The following FBXO8 variants were observed in gnomAD, a reference collection of about 807,000 sequenced individuals.
FBXO8 encodes F-box only protein 8.
In FBXO8, 15 loss-of-function variants were observed where a neutral mutation model predicts 33.4. That is an observed-to-expected ratio of 0.45 (90% CI 0.30 to 0.69). The LOEUF (loss-of-function observed/expected upper bound fraction) is 0.69. Among genes scored for constraint, FBXO8 ranks in the 30% least tolerant of loss-of-function variants. The pLI is 0.08. For missense variants in FBXO8, 274 were observed against 380.3 expected (o/e 0.72, Z 2.32); for synonymous variants, 132 against 131.5 (o/e 1.00, Z -0.02).
intron 1 of FBXO8, among the ~76,000 whole-genome samples, chr4:174,266,779 A>T (rs1736705750): frequency 6.6e-6 from 1 of 152,242 alleles, no homozygotes; most frequent in African/African-American, 2.4e-5. Flanking sequence ...AATAATAATG[A>T]TAAAAATGTC....
rs918209667 is a variant in FBXO8, at chr4:174,253,382, T to C, written c.456+6317A>G. ...CACAGCATAACCACCTCCCCTCCTA[T>C]CCCGTCTTCCTCCCTTTTAAAATTT... On this transcript the variant is annotated intron_variant, in intron 3 of 5. Coordinates refer to ENST00000393674, the MANE Select transcript of FBXO8 (RefSeq NM_012180.3). The surrounding 1 kb of genome is among the most constrained non-coding windows in gnomAD (Gnocchi z 4.5). 2.0e-5 allele frequency among the ~76,000 whole-genome samples: 3 copies of C among 152,130 alleles called. No individual in the cohort carries two copies. Among genetic ancestry groups the C allele is most frequent in the African/African-American group, 7.2e-5 (3 of 41,436 alleles).
Position 174,274,514 on chromosome 4 carries a change from T to A in FBXO8, c.-9+8896A>T, listed in dbSNP as rs893584155. On this transcript the variant is annotated intron_variant, in intron 1 of 5. Transcript: ENST00000393674. The surrounding 1 kb of genome is among the most constrained non-coding windows in gnomAD (Gnocchi z 4.0). Reference sequence around the variant, plus strand: ...GGTCCTGAATTTCATTAATTTGGGATCTGTGAAATTTGGAGAGATGCCATT... The same window carrying A: ...GGTCCTGAATTTCATTAATTTGGGAACTGTGAAATTTGGAGAGATGCCATT... 9.9e-5 allele frequency among the ~76,000 whole-genome samples: 15 copies of A among 152,216 alleles called. No individual in the cohort carries two copies. The highest frequency in any genetic ancestry group is 3.6e-4 in the African/African-American group (15 of 41,436).
At position 174,263,229 on chromosome 4, in the gene FBXO8, C is replaced by T; in HGVS notation, c.-8-129G>A. 2.5e-6 allele frequency: 2 copies of T among 811,310 alleles called. No individual in the cohort carries two copies. Among genetic ancestry groups the T allele is most frequent in the Admixed American group, 2.9e-5 (1 of 34,216 alleles). 50.3% of individuals were successfully genotyped at this position (811,310 alleles called of 1,614,324 possible). ...AACTTCTCATTAAAACCTACTAAAA[C>T]CAGAAGTATATTACTAAGAATAGCT... On this transcript the variant is annotated intron_variant, in intron 1 of 5. Coordinates refer to ENST00000393674, the MANE Select transcript of FBXO8 (RefSeq NM_012180.3). The surrounding 1 kb of genome is among the most constrained non-coding windows in gnomAD (Gnocchi z 4.2).
At position 174,237,333 on chromosome 4, in the gene FBXO8, T is replaced by C. The variant is rs899616797; in HGVS notation, c.*79A>G. 1.1e-5 allele frequency: 13 copies of C among 1,214,122 alleles called. No individual in the cohort carries two copies. The highest frequency in any genetic ancestry group is 1.5e-5 in the Non-Finnish European group (13 of 850,668). 75.2% of individuals were successfully genotyped at this position (1,214,122 alleles called of 1,614,324 possible). ...ATACTCAGGCTACAATGACCAGCAC[T>C]GATGTAACCCCCATATCTGCTAAGT... is the stretch of plus-strand genomic sequence containing the variant. On this transcript the variant is annotated 3_prime_UTR_variant, in exon 6 of 6. Transcript: ENST00000393674. This position sits in a 1 kb window ranked among gnomAD's most constrained non-coding sequence, Gnocchi z 4.4.
In FBXO8 at chr4:174,263,115, G is replaced by A. The variant is rs1347438975; in HGVS notation, c.-8-15C>T. 5 of 1,605,460 alleles carry A rather than the reference G, an allele frequency of 3.1e-6. No individual in the cohort carries two copies. In the African/African-American group the frequency reaches 6.7e-5, roughly 22 times the overall value. On this transcript the variant is annotated splice_polypyrimidine_tract_variant and intron_variant, in intron 1 of 5. Coordinates refer to ENST00000393674, the MANE Select transcript of FBXO8 (RefSeq NM_012180.3). This position sits in a 1 kb window ranked among gnomAD's most constrained non-coding sequence, Gnocchi z 4.2. The stretch of plus-strand genomic sequence containing the variant: ...CATCTGCAAGCCTGGGAAAAAGCCA[G>A]AATGTAATAAGGGTGACATTTAAAA...
At chr4:174,260,365 T>C (rs1374009303) in intron 2 of FBXO8, among the ~76,000 whole-genome samples, 1 of 152,012 alleles carries the variant, frequency 6.6e-6, no homozygotes, top group East Asian at 1.9e-4. Flanking sequence ...ATGTGCTCTA[T>C]TGTGAAATAA....
chr4:174,262,595 A>C lies in FBXO8; in HGVS notation c.329+169T>G, dbSNP rs1215750689. Among the ~76,000 whole-genome samples the C allele has an allele frequency of 6.6e-6, 1 of 152,220 alleles. No homozygotes were observed. The highest frequency in any genetic ancestry group is 1.5e-5 in the Non-Finnish European group (1 of 68,048). On this transcript the variant is annotated intron_variant, in intron 2 of 5. Coordinates refer to ENST00000393674, the MANE Select transcript of FBXO8 (RefSeq NM_012180.3). The surrounding 1 kb of genome is among the most constrained non-coding windows in gnomAD (Gnocchi z 4.6). The stretch of plus-strand genomic sequence containing the variant: ...TATTGTCCTCCTTTTCACAAGATCA[A>C]ATTTGACTGTGATGCTAACTGTATA...
Position 174,272,698 on chromosome 4 carries a change from A to G in FBXO8, c.-8-9598T>C, listed in dbSNP as rs929290883. 2.6e-5 allele frequency among the ~76,000 whole-genome samples: 4 copies of G among 152,266 alleles called. No individual in the cohort carries two copies. Among genetic ancestry groups the G allele is most frequent in the Non-Finnish European group, 5.9e-5 (4 of 68,042 alleles). On this transcript the variant is annotated intron_variant, in intron 1 of 5. Transcript: ENST00000393674. The surrounding 1 kb of genome is among the most constrained non-coding windows in gnomAD (Gnocchi z 4.7). ...AAAATAATTTAGGCAAGAATTATCA[A>G]TGGATGTTGTTGAATCTGGAGTTTG...
rs1187320417 is a variant in FBXO8, at chr4:174,275,844, T to A, written c.-9+7566A>T. ...AGAAGATGGAATTAAGGAATACAAA[T>A]CCTTATAGACACAAATCCTAAATGA... On this transcript the variant is annotated intron_variant, in intron 1 of 5. Coordinates refer to ENST00000393674, the MANE Select transcript of FBXO8 (RefSeq NM_012180.3). The surrounding 1 kb of genome is among the most constrained non-coding windows in gnomAD (Gnocchi z 4.4). Among the ~76,000 whole-genome samples the A allele has an allele frequency of 1.3e-5, 2 of 152,066 alleles. No individual in the cohort carries two copies. Among genetic ancestry groups the A allele is most frequent in the African/African-American group, 4.8e-5 (2 of 41,414 alleles).
chr4:174,254,571 A>G lies in FBXO8; in HGVS notation c.456+5128T>C, dbSNP rs1307440103. On this transcript the variant is annotated intron_variant, in intron 3 of 5. Transcript: ENST00000393674. This position sits in a 1 kb window ranked among gnomAD's most constrained non-coding sequence, Gnocchi z 4.2. ...GTTACAAATTATTTGACACAGATAT[A>G]TTTATCAATATGTACAGGCAGTTAT... is the stretch of plus-strand genomic sequence containing the variant. Among the ~76,000 whole-genome samples, 2 of 152,176 alleles carry G rather than the reference A, an allele frequency of 1.3e-5. No homozygotes were observed. The highest frequency in any genetic ancestry group is 2.9e-5 in the Non-Finnish European group (2 of 68,028).
At position 174,261,649 on chromosome 4, in the gene FBXO8, A is replaced by C. The variant is rs1462504003; in HGVS notation, c.329+1115T>G. On this transcript the variant is annotated intron_variant, in intron 2 of 5. Coordinates refer to ENST00000393674, the MANE Select transcript of FBXO8 (RefSeq NM_012180.3). The surrounding 1 kb of genome is among the most constrained non-coding windows in gnomAD (Gnocchi z 4.1). ...TCACGTAGTACTTTCACTATGTCAA[A>C]CAAATGAGTAAAAGAATAACAAGAT... is the stretch of plus-strand genomic sequence containing the variant. 2.0e-5 allele frequency among the ~76,000 whole-genome samples: 3 copies of C among 152,006 alleles called. No individual in the cohort carries two copies. The highest frequency in any genetic ancestry group is 2.9e-5 in the Non-Finnish European group (2 of 67,894).
rs923907413 is a variant in FBXO8 at position 174,267,389 on chromosome 4, C to T, written c.-8-4289G>A. On this transcript the variant is annotated intron_variant, in intron 1 of 5. Transcript: ENST00000393674. This position sits in a 1 kb window ranked among gnomAD's most constrained non-coding sequence, Gnocchi z 4.7. ...ACATAGACCCCGTTTCAACAAAATA[C>T]AAAAAAAGTTAGCTAGGTGCGATGG... 6.6e-6 allele frequency among the ~76,000 whole-genome samples: 1 copy of T among 151,802 alleles called. No homozygotes were observed. Among genetic ancestry groups the T allele is most frequent in the African/African-American group, 2.4e-5 (1 of 41,320 alleles).
rs1048264908 is a variant in FBXO8 at position 174,255,191 on chromosome 4, T to G, written c.456+4508A>C. Reference sequence around the variant, plus strand: ...AATGTTTATTGGTACATTCTAATAATGCCCATGAGGGTTTTCATTCCCTAG... The same window carrying G: ...AATGTTTATTGGTACATTCTAATAAGGCCCATGAGGGTTTTCATTCCCTAG... On this transcript the variant is annotated intron_variant, in intron 3 of 5. Coordinates refer to ENST00000393674, the MANE Select transcript of FBXO8 (RefSeq NM_012180.3). This position sits in a 1 kb window ranked among gnomAD's most constrained non-coding sequence, Gnocchi z 4.3. Among the ~76,000 whole-genome samples, 1 of 152,164 alleles carries G rather than the reference T, an allele frequency of 6.6e-6. No individual in the cohort carries two copies. Among genetic ancestry groups the G allele is most frequent in the South Asian group, 2.1e-4 (1 of 4,838 alleles).
intron 1 of FBXO8, among the ~76,000 whole-genome samples, chr4:174,266,634 G>A (rs1579033478): frequency 6.6e-6 from 1 of 152,144 alleles, no homozygotes; most frequent in Non-Finnish European, 1.5e-5. Context: ...AAGTCATGGA[G>A]GGAGTATAGT....
intron 3 of FBXO8, among the ~76,000 whole-genome samples, chr4:174,248,261 C>T (rs1424106464): frequency 6.6e-6 from 1 of 151,926 alleles, no homozygotes; most frequent in Non-Finnish European, 1.5e-5. Flanking sequence ...TATTAAGCTG[C>T]CTATAAATAT....
rs1736142601 is a variant in FBXO8, at chr4:174,245,696, G to A, written c.457-4478C>T. On this transcript the variant is annotated intron_variant, in intron 3 of 5. Coordinates refer to ENST00000393674, the MANE Select transcript of FBXO8 (RefSeq NM_012180.3). This position sits in a 1 kb window ranked among gnomAD's most constrained non-coding sequence, Gnocchi z 4.6. ...AAGATAAATAATGAAAGAAAAATTAGATAGTGGGCTATTCAGCGGAGCACT... is the reference window on the plus strand; with the variant it reads ...AAGATAAATAATGAAAGAAAAATTAAATAGTGGGCTATTCAGCGGAGCACT... Among the ~76,000 whole-genome samples, 1 of 151,902 alleles carries A rather than the reference G, an allele frequency of 6.6e-6. No homozygotes were observed. The highest frequency in any genetic ancestry group is 2.4e-5 in the African/African-American group (1 of 41,400).
At chr4:174,249,134 A>G (rs1736230319) in intron 3 of FBXO8, among the ~76,000 whole-genome samples, 2 of 152,116 alleles carry the variant, frequency 1.3e-5, no homozygotes. Context: ...CCCCCAAAAG[A>G]ACCACATTAG....
rs1736550954 is a variant in FBXO8, at chr4:174,261,172, T to A, written c.330-1347A>T. 6.6e-6 allele frequency among the ~76,000 whole-genome samples: 1 copy of A among 151,968 alleles called. No individual in the cohort carries two copies. Among genetic ancestry groups the A allele is most frequent in the African/African-American group, 2.4e-5 (1 of 41,442 alleles). ...CAATATTTTTTCAGTCTTATTAATCTAGTCCCAATAAAACCCAAAACTAGA... is the reference window on the plus strand; with the variant it reads ...CAATATTTTTTCAGTCTTATTAATCAAGTCCCAATAAAACCCAAAACTAGA... On this transcript the variant is annotated intron_variant, in intron 2 of 5. Coordinates refer to ENST00000393674, the MANE Select transcript of FBXO8 (RefSeq NM_012180.3). The surrounding 1 kb of genome is among the most constrained non-coding windows in gnomAD (Gnocchi z 4.1).
At chr4:174,242,268 A>C (rs1369989680) in intron 3 of FBXO8, among the ~76,000 whole-genome samples, 1 of 151,614 alleles carries the variant, frequency 6.6e-6, no homozygotes, top group Non-Finnish European at 1.5e-5. Flanking sequence ...AGTACTCAGA[A>C]ATATTACACA....
Sources: gnomAD v4.1 joint callset for allele counts (sites outside exome capture counted in the v4.1 genomes callset) on GRCh38, gnomAD v4.1.1 for gene constraint, Gnocchi (gnomAD v3.1) non-coding constraint, MANE v1.5 for transcripts, NCBI Gene and HGNC (gene_info 2026-07-23, HGNC 2026-07-21) for gene names.